The following GPC6 variants were observed in gnomAD, a reference collection of about 807,000 sequenced individuals.
GPC6 encodes glypican-6.
GPC6 carries 14 observed loss-of-function variants against 55.2 expected under a neutral mutation model. The observed-to-expected ratio is 0.25, with a 90% CI of 0.17 to 0.40. The LOEUF (loss-of-function observed/expected upper bound fraction) is 0.40. Ranked by LOEUF, GPC6 falls within the 10% of genes least tolerant of loss-of-function variation. The pLI is 1.00. For missense variants in GPC6, 641 were observed against 708.5 expected (o/e 0.90, Z 1.08); for synonymous variants, 278 against 259.6 (o/e 1.07, Z -0.68).
At chr13:93,339,073 T>C (rs78445148) in intron 1 of GPC6, among the ~76,000 whole-genome samples, 4,983 of 152,238 alleles carry the variant, frequency 0.033, 281 homozygotes, top group African/African-American at 0.11. Flanking sequence ...TCACAATCAT[T>C]TGGAAATAGC....
chr13:93,703,640 C>T (rs534778976), intron 2 of GPC6, among the ~76,000 whole-genome samples: 3 of 151,964 alleles, frequency 2.0e-5, no homozygotes, highest in African/African-American at 7.2e-5. Flanking sequence ...GTCCACCCCC[C>T]GCCCCCGTTA....
chr13:93,898,600 A>C (rs766998151), intron 3 of GPC6, among the ~76,000 whole-genome samples: 1 of 151,770 alleles, frequency 6.6e-6, no homozygotes, highest in African/African-American at 2.4e-5. Flanking sequence ...CCAATTTCCA[A>C]AGCTTATATA....
chr13:94,240,336 T>A (rs2139024669), intron 4 of GPC6, among the ~76,000 whole-genome samples: 1 of 152,220 alleles, frequency 6.6e-6, no homozygotes, highest in East Asian at 1.9e-4. Flanking sequence ...TTGATTACTT[T>A]ATCAATTTTA....
At chr13:93,602,780 G>A (rs1040502901) in intron 2 of GPC6, among the ~76,000 whole-genome samples, 46 of 152,050 alleles carry the variant, frequency 3.0e-4, no homozygotes, top group African/African-American at 1.1e-3. Context: ...CTCTTTTACT[G>A]ACAAAGTCAC....
chr13:93,384,594 T>C lies in GPC6; in HGVS notation c.160+156978T>C, dbSNP rs144729309. ...AAAGTAATGCACTAGAAGAAAGATA[T>C]AGTGATGAAAGAAAATGATTCTTTA... On this transcript the variant is annotated intron_variant, in intron 1 of 8. Coordinates refer to ENST00000377047, the MANE Select transcript of GPC6 (RefSeq NM_005708.5). 1.8e-4 allele frequency among the ~76,000 whole-genome samples: 27 copies of C among 152,320 alleles called. No homozygotes were observed. In the East Asian group the frequency reaches 4.8e-3, roughly 27 times the overall value.
chr13:94,016,878 A>G (rs985085510), intron 3 of GPC6, among the ~76,000 whole-genome samples: 2 of 150,450 alleles, frequency 1.3e-5, no homozygotes, highest in African/African-American at 2.5e-5. Flanking sequence ...CTTTTTGCCC[A>G]GGCAGGAGTG....
At chr13:93,337,114 G>A (rs1880073258) in intron 1 of GPC6, among the ~76,000 whole-genome samples, 1 of 152,118 alleles carries the variant, frequency 6.6e-6, no homozygotes, top group Non-Finnish European at 1.5e-5. Context: ...GCCATTAATG[G>A]TAAAATTCTT....
intron 2 of GPC6, among the ~76,000 whole-genome samples, chr13:93,691,652 C>T (rs1882260936): frequency 6.6e-6 from 1 of 151,916 alleles, no homozygotes; most frequent in African/African-American, 2.4e-5. Context: ...GTTTTTCTAA[C>T]TGAATGTTTA....
chr13:93,922,203 A>T (rs1027266747), intron 3 of GPC6, among the ~76,000 whole-genome samples: 2 of 152,186 alleles, frequency 1.3e-5, no homozygotes, highest in African/African-American at 4.8e-5. Flanking sequence ...TCTTGGCCCA[A>T]TAAACAAATG....
intron 6 of GPC6, among the ~76,000 whole-genome samples, chr13:94,352,629 A>C (rs1293072288): frequency 6.6e-6 from 1 of 152,188 alleles, no homozygotes. Context: ...TTCAGGCCTT[A>C]GGGTGGTAAC....
chr13:94,300,402 A>G (rs556120462), intron 5 of GPC6, among the ~76,000 whole-genome samples: 2 of 152,306 alleles, frequency 1.3e-5, no homozygotes, highest in East Asian at 3.9e-4. Flanking sequence ...TTAGAAACCT[A>G]AGACACAGCA....
At chr13:94,284,184 C>T (rs1456768962) in intron 4 of GPC6, among the ~76,000 whole-genome samples, 3 of 152,142 alleles carry the variant, frequency 2.0e-5, no homozygotes, top group Non-Finnish European at 2.9e-5. Flanking sequence ...CCTCTGTCCG[C>T]CTGGGGCCTG....
chr13:93,496,506 G>C (rs1382770000), intron 1 of GPC6, among the ~76,000 whole-genome samples: 3 of 152,200 alleles, frequency 2.0e-5, no homozygotes, highest in African/African-American at 7.2e-5. Context: ...GTAGACCGGA[G>C]CTGTTCCTAT....
intron 2 of GPC6, among the ~76,000 whole-genome samples, chr13:93,570,379 A>C (rs1269408890): frequency 6.6e-6 from 1 of 152,154 alleles, no homozygotes; most frequent in Non-Finnish European, 1.5e-5. Flanking sequence ...CCTTAAGTAA[A>C]TCTACTGCTT....
chr13:94,082,225 C>A (rs775120345), intron 4 of GPC6, among the ~76,000 whole-genome samples: 1 of 152,088 alleles, frequency 6.6e-6, no homozygotes. Flanking sequence ...ACCAACATGT[C>A]TTCATGTCCT....
At chr13:93,412,059 C>CA (rs1876521341) in intron 1 of GPC6, among the ~76,000 whole-genome samples, 1 of 151,658 alleles carries the variant, frequency 6.6e-6, no homozygotes, top group Admixed American at 6.6e-5. Context: ...CTCCATTATT[C>CA]AAACATGACC....
At chr13:93,948,838 C>CAA (rs1879126054) in intron 3 of GPC6, among the ~76,000 whole-genome samples, 1 of 152,178 alleles carries the variant, frequency 6.6e-6, no homozygotes, top group Admixed American at 6.5e-5. Context: ...ATGCCCTTTA[C>CAA]AGTTGCTTTG....
intron 4 of GPC6, among the ~76,000 whole-genome samples, chr13:94,064,440 A>T (rs1884445299): frequency 6.6e-6 from 1 of 152,154 alleles, no homozygotes; most frequent in Non-Finnish European, 1.5e-5. Flanking sequence ...GGGGTGCAGC[A>T]TGGGGACTGG....
chr13:93,767,581 T>TA (rs1885162633), intron 2 of GPC6, among the ~76,000 whole-genome samples: 1 of 152,190 alleles, frequency 6.6e-6, no homozygotes, highest in African/African-American at 2.4e-5. Context: ...CCTTTATTTT[T>TA]ACAAGCAAAT....
Sources: gnomAD v4.1 joint callset for allele counts (sites outside exome capture counted in the v4.1 genomes callset) on GRCh38, gnomAD v4.1.1 for gene constraint, MANE v1.5 for transcripts, NCBI Gene and HGNC (gene_info 2026-07-23, HGNC 2026-07-21) for gene names.